The following PPP2R2A variants were observed in gnomAD, a reference collection of about 807,000 sequenced individuals.
PPP2R2A encodes the protein protein phosphatase 2 regulatory subunit Balpha.
Under a neutral mutation model 53.2 loss-of-function variants are expected in PPP2R2A, and 9 were observed. That is an observed-to-expected ratio of 0.17 (90% confidence interval 0.10 to 0.30). PPP2R2A has a LOEUF of 0.30. Among genes scored for constraint, PPP2R2A ranks in the 10% least tolerant of loss-of-function variants. The pLI is 1.00. For synonymous variants in PPP2R2A, 169 were observed against 174.2 expected, an observed-to-expected ratio of 0.97 and a Z score of 0.23; for missense variants, 235 against 534.6, an observed-to-expected ratio of 0.44 and a Z score of 5.53.
rs1805145992 is a variant in PPP2R2A, at chr8:26,362,285, A to G, written c.638-399A>G. Among the ~76,000 whole-genome samples, 1 of 151,422 alleles carries G rather than the reference A, an allele frequency of 6.6e-6. No homozygotes were observed. Among genetic ancestry groups the G allele is most frequent in the African/African-American group, 2.4e-5 (1 of 41,204 alleles). On this transcript the variant is annotated intron_variant, in intron 6 of 9. Coordinates refer to ENST00000380737, the MANE Select transcript of PPP2R2A (RefSeq NM_002717.4). The surrounding 1 kb of genome is among the most constrained non-coding windows in gnomAD (Gnocchi z 4.4). ...GGCGAGGCGGATGGATCATGAGGTCAGGAGGTCGAGACCAGCCTGGCCAAC... is the reference window on the plus strand; with the variant it reads ...GGCGAGGCGGATGGATCATGAGGTCGGGAGGTCGAGACCAGCCTGGCCAAC...
intron 2 of PPP2R2A, among the ~76,000 whole-genome samples, chr8:26,297,404 A>G (rs1193879231): frequency 6.6e-6 from 1 of 152,226 alleles, no homozygotes; most frequent in Non-Finnish European, 1.5e-5. Flanking sequence ...CACCGGCCAC[A>G]AAATTATTAC....
chr8:26,368,006 T>C (rs1425611502), intron 9 of PPP2R2A, among the ~76,000 whole-genome samples: 5 of 152,224 alleles, frequency 3.3e-5, no homozygotes, highest in African/African-American at 1.2e-4. Context: ...TTCCTCATGA[T>C]TAGATTCAGG....
At chr8:26,368,342 C>G (rs1046209576) in intron 9 of PPP2R2A, among the ~76,000 whole-genome samples, 1 of 152,170 alleles carries the variant, frequency 6.6e-6, no homozygotes, top group African/African-American at 2.4e-5. Context: ...TCCTGTAATC[C>G]TTATTTACAA....
At chr8:26,308,624 C>T (rs1197719840) in intron 2 of PPP2R2A, among the ~76,000 whole-genome samples, 1 of 152,206 alleles carries the variant, frequency 6.6e-6, no homozygotes, top group Non-Finnish European at 1.5e-5. Flanking sequence ...GCTATTTCCA[C>T]TACTTCTGCA....
At position 26,362,135 on chromosome 8, in the gene PPP2R2A, G is replaced by T. The variant is rs543045617; in HGVS notation, c.638-549G>T. ...TAGAAAAAGAAAGATTAAAGATTAC[G>T]ATTAGATTAAGATTAGAAAAAGAAA... On this transcript the variant is annotated intron_variant, in intron 6 of 9. Coordinates refer to ENST00000380737, the MANE Select transcript of PPP2R2A (RefSeq NM_002717.4). The surrounding 1 kb of genome is among the most constrained non-coding windows in gnomAD (Gnocchi z 4.4). Among the ~76,000 whole-genome samples, 1 of 151,290 alleles carries T rather than the reference G, an allele frequency of 6.6e-6. No homozygotes were observed. Among genetic ancestry groups the T allele is most frequent in the Non-Finnish European group, 1.5e-5 (1 of 67,878 alleles).
chr8:26,292,401 G>A (rs1801342045), intron 1 of PPP2R2A: 1 of 985,442 alleles, frequency 1.0e-6, no homozygotes, highest in Non-Finnish European at 1.2e-6. Context: ...TTTCGTTTCC[G>A]TTTCTTCCCT....
intron 2 of PPP2R2A, among the ~76,000 whole-genome samples, chr8:26,337,740 T>A (rs1803738501): frequency 6.6e-6 from 1 of 152,196 alleles, no homozygotes; most frequent in Non-Finnish European, 1.5e-5. Flanking sequence ...ATATGCACAT[T>A]TTTATGAGCA....
At chr8:26,320,050 C>T (rs1802758380) in intron 2 of PPP2R2A, among the ~76,000 whole-genome samples, 1 of 152,084 alleles carries the variant, frequency 6.6e-6, no homozygotes, top group Non-Finnish European at 1.5e-5. Flanking sequence ...CCCTAAGTGC[C>T]GTGCTAAAAT....
intron 2 of PPP2R2A, among the ~76,000 whole-genome samples, chr8:26,298,865 A>G (rs1269944480): frequency 6.6e-6 from 1 of 152,252 alleles, no homozygotes; most frequent in East Asian, 1.9e-4. Flanking sequence ...TTAAAGTCGA[A>G]CAGTAAGAAA....
chr8:26,346,243 T>G (rs1295128727), intron 3 of PPP2R2A, among the ~76,000 whole-genome samples: 1 of 151,930 alleles, frequency 6.6e-6, no homozygotes, highest in Non-Finnish European at 1.5e-5. Context: ...CAGGTTCAAG[T>G]CATCCTTATG....
Position 26,372,632 on chromosome 8 carries a change from C to T in PPP2R2A, c.*2219C>T, listed in dbSNP as rs546456983. 1 of 152,274 alleles carries T rather than the reference C, an allele frequency of 6.6e-6. No individual in the cohort carries two copies. The highest frequency in any genetic ancestry group is 1.9e-4 in the East Asian group (1 of 5,184). The allele number at this position is 152,274 out of a possible 1,614,324, so 9.4% of individuals were successfully genotyped here. Reference sequence around the variant, plus strand: ...ACTCTAAGCCCAGCCACTCATTTTACATGGCCATGGTTAATCTTTTTATTA... The same window carrying T: ...ACTCTAAGCCCAGCCACTCATTTTATATGGCCATGGTTAATCTTTTTATTA... On this transcript the variant is annotated 3_prime_UTR_variant, in exon 10 of 10. Transcript: ENST00000380737.
At chr8:26,328,641 G>T (rs540297009) in intron 2 of PPP2R2A, among the ~76,000 whole-genome samples, 1,797 of 152,198 alleles carry the variant, frequency 0.012, 19 homozygotes, top group African/African-American at 0.033. Context: ...AATGTACTTT[G>T]TAACATTTTA....
In PPP2R2A at chr8:26,291,675, T is replaced by A. The variant is rs1801299291; in HGVS notation, c.-145T>A. On this transcript the variant is annotated 5_prime_UTR_variant, in exon 1 of 10. Coordinates refer to ENST00000380737, the MANE Select transcript of PPP2R2A (RefSeq NM_002717.4). ...GCTGGTCTGCCCGCCCCTCCTTCCT[T>A]TTCCCCCCGGCCCCCGTCCCCTCCC... 1 of 575,260 alleles carries A rather than the reference T, an allele frequency of 1.7e-6. No individual in the cohort carries two copies. Among genetic ancestry groups the A allele is most frequent in the Admixed American group, 3.3e-5 (1 of 30,586 alleles). The allele number at this position is 575,260 out of a possible 1,614,324, so 35.6% of individuals were successfully genotyped here. A position where few individuals can be genotyped will look rare whatever the true frequency, so the allele number is the denominator to read the frequency against.
chr8:26,350,708 C>CT (rs1487777692), intron 3 of PPP2R2A: 3 of 152,148 alleles, frequency 2.0e-5, no homozygotes, highest in African/African-American at 7.2e-5. Context: ...CTAGCCAGAG[C>CT]TGCTTTTTAT....
chr8:26,328,378 C>T (rs1803201025), intron 2 of PPP2R2A, among the ~76,000 whole-genome samples: 1 of 152,090 alleles, frequency 6.6e-6, no homozygotes, highest in African/African-American at 2.4e-5. Flanking sequence ...GTTGCATTCC[C>T]ACCAGGAATA....
At chr8:26,306,431 G>A (rs911209165) in intron 2 of PPP2R2A, among the ~76,000 whole-genome samples, 5 of 149,028 alleles carry the variant, frequency 3.4e-5, no homozygotes, top group Admixed American at 2.7e-4. Context: ...AGCAAAGATC[G>A]CGCCACTGTA....
chr8:26,308,643 C>T (rs1481977205), intron 2 of PPP2R2A, among the ~76,000 whole-genome samples: 1 of 152,164 alleles, frequency 6.6e-6, no homozygotes, highest in Non-Finnish European at 1.5e-5. Context: ...CAGTTACTTC[C>T]TACATGGAAG....
Position 26,360,462 on chromosome 8 carries a change from C to A in PPP2R2A, c.459+181C>A, listed in dbSNP as rs777703667. ...TAGAAACTGACCTACATAGAGGTCT[C>A]ACTTTGGCCAGGGACAGAAGCAGGA... On this transcript the variant is annotated intron_variant, in intron 5 of 9. Transcript: ENST00000380737. The surrounding 1 kb of genome is among the most constrained non-coding windows in gnomAD (Gnocchi z 4.5). The A allele has an allele frequency of 6.0e-5, 24 of 399,042 alleles. No individual in the cohort carries two copies. Among genetic ancestry groups the A allele is most frequent in the Non-Finnish European group, 1.0e-4 (23 of 225,708 alleles). The allele number at this position is 399,042 out of a possible 1,614,324, so 24.7% of individuals were successfully genotyped here.
intron 3 of PPP2R2A, among the ~76,000 whole-genome samples, chr8:26,352,611 TTTA>T (rs1164818137): frequency 6.6e-6 from 1 of 152,232 alleles, no homozygotes; most frequent in Non-Finnish European, 1.5e-5. Context: ...GATACATTAA[TTTA>T]TTTCCTGTTG....
Sources: gnomAD v4.1 joint callset for allele counts (sites outside exome capture counted in the v4.1 genomes callset) on GRCh38, gnomAD v4.1.1 for gene constraint, Gnocchi (gnomAD v3.1) non-coding constraint, MANE v1.5 for transcripts, NCBI Gene and HGNC (gene_info 2026-07-23, HGNC 2026-07-21) for gene names.